The following ADAMTS20 variants were observed in gnomAD, a reference collection of about 807,000 sequenced individuals.
The protein encoded by ADAMTS20 is ADAM metallopeptidase with thrombospondin type 1 motif 20, also known as A disintegrin and metalloproteinase with thrombospondin motifs 20.
ADAMTS20 carries 225 observed loss-of-function variants against 260.1 expected under a neutral mutation model. The observed-to-expected ratio is 0.87, with a 90% CI of 0.78 to 0.97. The LOEUF is 0.97. Ranked by LOEUF, ADAMTS20 falls within the 50% of genes least tolerant of loss-of-function variation. ADAMTS20 has a pLI of 0.00. For synonymous variants in ADAMTS20, 802 were observed against 769.5 expected, an observed-to-expected ratio of 1.04 and a Z score of -0.70; for missense variants, 2,400 against 2,337.7, an observed-to-expected ratio of 1.03 and a Z score of -0.55.
intron 3 of ADAMTS20, among the ~76,000 whole-genome samples, chr12:43,530,159 G>A (rs1027093366): frequency 6.6e-6 from 1 of 151,646 alleles, no homozygotes; most frequent in African/African-American, 2.4e-5. Flanking sequence ...TAAATCTTTA[G>A]TATAAAACTG....
At chr12:43,418,881 A>G (rs1941179666) in intron 28 of ADAMTS20, among the ~76,000 whole-genome samples, 1 of 152,176 alleles carries the variant, frequency 6.6e-6, no homozygotes, top group Non-Finnish European at 1.5e-5. Flanking sequence ...ATTTGAAGTC[A>G]ATTACTGGTA....
At chr12:43,498,289 G>A (rs367592358) in intron 4 of ADAMTS20, among the ~76,000 whole-genome samples, 28 of 152,144 alleles carry the variant, frequency 1.8e-4, no homozygotes, top group East Asian at 3.8e-4. Context: ...CAGGTATTTC[G>A]TTAAATTGTT....
chr12:43,397,689 G>A (rs1330594980), intron 29 of ADAMTS20, among the ~76,000 whole-genome samples: 1 of 152,118 alleles, frequency 6.6e-6, no homozygotes, highest in Non-Finnish European at 1.5e-5. Flanking sequence ...CTCTGGTAAA[G>A]CATGAAAAAT....
At chr12:43,369,893 T>C (rs1438028546) in intron 36 of ADAMTS20, among the ~76,000 whole-genome samples, 2 of 152,166 alleles carry the variant, frequency 1.3e-5, no homozygotes, top group African/African-American at 4.8e-5. Flanking sequence ...TTTTTCAAAC[T>C]TACTTTTGCT....
At chr12:43,485,094 C>CAAAAAAAAAAAAAAAAAAAAAAAAAAAA (rs59409245) in intron 7 of ADAMTS20, among the ~76,000 whole-genome samples, 1 of 118,750 alleles carries the variant, frequency 8.4e-6, no homozygotes. Context: ...AGGACGTAGC[C>CAAAAAAAAAAAAAAAAAAAAAAAAAAAA]AAAAAAAAAA....
intron 36 of ADAMTS20, among the ~76,000 whole-genome samples, chr12:43,369,803 G>C (rs566853996): frequency 6.6e-6 from 1 of 152,094 alleles, no homozygotes; most frequent in South Asian, 2.1e-4. Flanking sequence ...AATTCATTTA[G>C]GTAATTCAAA....
chr12:43,504,296 A>C (rs117620968), intron 3 of ADAMTS20, among the ~76,000 whole-genome samples: 3,604 of 152,202 alleles, frequency 0.024, 65 homozygotes, highest in East Asian at 0.08. Flanking sequence ...TCTGATGTGC[A>C]TTTCTCTAAC....
chr12:43,518,031 T>C (rs1466397693), intron 3 of ADAMTS20, among the ~76,000 whole-genome samples: 1 of 152,116 alleles, frequency 6.6e-6, no homozygotes, highest in African/African-American at 2.4e-5. Context: ...AGTTTCAAAT[T>C]ATTGATAAAT....
intron 5 of ADAMTS20, among the ~76,000 whole-genome samples, 187 bp downstream of exon 5, chr12:43,492,983 A>G (rs1272208278): frequency 2.0e-5 from 3 of 152,194 alleles, no homozygotes; most frequent in Non-Finnish European, 4.4e-5. Context: ...TCCTTTACTC[A>G]GTTAAACACT....
intron 6 of ADAMTS20, 54 bp from the exon 7 acceptor site, chr12:43,490,489 G>T: frequency 1.0e-6 from 1 of 961,270 alleles, no homozygotes; most frequent in Non-Finnish European, 1.5e-6. Context: ...TTTGCAACAA[G>T]CCAAAATAAA....
chr12:43,474,112 A>G (rs1450279420), intron 7 of ADAMTS20, among the ~76,000 whole-genome samples: 11 of 151,790 alleles, frequency 7.2e-5, no homozygotes, highest in Non-Finnish European at 1.2e-4. Flanking sequence ...AAAGAAAAAA[A>G]GAGAGCAGAA....
intron 28 of ADAMTS20, among the ~76,000 whole-genome samples, chr12:43,400,213 G>A (rs1940782603): frequency 6.6e-6 from 1 of 151,990 alleles, no homozygotes; most frequent in African/African-American, 2.4e-5. Context: ...CCAGGGGAAA[G>A]CTAAGCAAAG....
chr12:43,438,641 T>G (rs1479657746), intron 18 of ADAMTS20, among the ~76,000 whole-genome samples: 1 of 152,190 alleles, frequency 6.6e-6, no homozygotes, highest in Non-Finnish European at 1.5e-5. Context: ...GATGGTAGAC[T>G]GTTCTTCACA....
intron 3 of ADAMTS20, among the ~76,000 whole-genome samples, chr12:43,526,982 G>C (rs1041399150): frequency 6.6e-6 from 1 of 152,034 alleles, no homozygotes; most frequent in Non-Finnish European, 1.5e-5. Context: ...AATCAAATAA[G>C]CTCAATTAGA....
intron 28 of ADAMTS20, among the ~76,000 whole-genome samples, chr12:43,402,718 G>GC (rs1176785570): frequency 6.6e-6 from 1 of 151,824 alleles, no homozygotes; most frequent in East Asian, 1.9e-4. Flanking sequence ...GCAATCTGCT[G>GC]TTTTTTTCCC....
intron 13 of ADAMTS20, 45 bp downstream of exon 13, chr12:43,452,469 C>T (rs7307955): frequency 0.71 from 1,140,519 of 1,605,974 alleles, 411,211 homozygotes; most frequent in East Asian, 1. Flanking sequence ...TGTGTTCTTA[C>T]GTCTCAGAAA....
chr12:43,404,144 C>G (rs867315825), intron 28 of ADAMTS20, among the ~76,000 whole-genome samples: 2 of 150,886 alleles, frequency 1.3e-5, no homozygotes, highest in Admixed American at 6.6e-5. Context: ...CTTTTCCAGA[C>G]TATAAAATCT....
intron 28 of ADAMTS20, among the ~76,000 whole-genome samples, chr12:43,419,083 A>C (rs1377440674): frequency 6.6e-6 from 1 of 152,172 alleles, no homozygotes; most frequent in Non-Finnish European, 1.5e-5. Context: ...TGGTTAGAAC[A>C]GTTGTGAGAG....
intron 7 of ADAMTS20, among the ~76,000 whole-genome samples, chr12:43,484,702 C>G (rs1258866182): frequency 6.6e-6 from 1 of 151,852 alleles, no homozygotes; most frequent in Non-Finnish European, 1.5e-5. Flanking sequence ...TGTAAAATGG[C>G]CAAACCTAGG....
Sources: gnomAD v4.1 joint callset for allele counts (sites outside exome capture counted in the v4.1 genomes callset) on GRCh38, gnomAD v4.1.1 for gene constraint, MANE v1.5 for transcripts, NCBI Gene and HGNC (gene_info 2026-07-23, HGNC 2026-07-21) for gene names.